CNBD1: variants seen among roughly 807,000 people sequenced by gnomAD.
The protein encoded by CNBD1 is cyclic nucleotide binding domain containing 1.
CNBD1 carries 71 observed loss-of-function variants against 54.4 expected under a neutral mutation model. The ratio of observed to expected loss-of-function variants is 1.30; its 90% CI spans 1.08 to 1.59. The LOEUF is 1.59. Ranked by LOEUF, CNBD1 falls within the 40% of genes most tolerant of loss-of-function variation. The pLI is 0.00. For missense variants in CNBD1, 659 were observed against 518.0 expected, an observed-to-expected ratio of 1.27 and a Z score of -2.64; for synonymous variants, 182 against 170.7, an observed-to-expected ratio of 1.07 and a Z score of -0.51.
intron 4 of CNBD1, among the ~76,000 whole-genome samples, chr8:87,005,802 A>G (rs1450199248): frequency 6.6e-6 from 1 of 152,058 alleles, no homozygotes; most frequent in Non-Finnish European, 1.5e-5. Flanking sequence ...GGCCTGTGTG[A>G]TTACGCTATC....
chr8:87,268,151 G>C (rs771551673), intron 6 of CNBD1, among the ~76,000 whole-genome samples: 1 of 151,984 alleles, frequency 6.6e-6, no homozygotes, highest in Non-Finnish European at 1.5e-5. Context: ...TCCCATATTT[G>C]TGTCCATGTG....
chr8:86,878,801 T>C (rs1808563347), intron 1 of CNBD1, among the ~76,000 whole-genome samples: 1 of 152,228 alleles, frequency 6.6e-6, no homozygotes, highest in Non-Finnish European at 1.5e-5. Context: ...GTACCTCTTT[T>C]ACAGTTTATT....
Position 87,358,933 on chromosome 8 carries a change from G to A in CNBD1, c.1303+5147G>A, listed in dbSNP as rs1043119070. On this transcript the variant is annotated intron_variant, in intron 10 of 10. Coordinates refer to ENST00000518476, the MANE Select transcript of CNBD1 (RefSeq NM_173538.3). ...CTGCCTTTTTAATCTATTCAGGCCC[G>A]CAATGGATTAGGTGTTATCTGTTTG... Among the ~76,000 whole-genome samples the A allele has an allele frequency of 8.5e-5, 13 of 152,242 alleles. No individual in the cohort carries two copies. The East Asian group carries it at 1.2e-3, about 14-fold the overall frequency.
At chr8:86,981,175 G>A (rs998938363) in intron 4 of CNBD1, among the ~76,000 whole-genome samples, 7 of 152,226 alleles carry the variant, frequency 4.6e-5, no homozygotes, top group African/African-American at 1.7e-4. Flanking sequence ...GTGTGTCTGT[G>A]TGCGTGCGCG....
chr8:87,209,989 C>T (rs1334466030), intron 5 of CNBD1, among the ~76,000 whole-genome samples: 19 of 152,130 alleles, frequency 1.2e-4, no homozygotes, highest in Admixed American at 1.2e-3. Flanking sequence ...AGTGAGTTCT[C>T]ATGGGATCTG....
chr8:87,019,874 ATC>A (rs2130574615), intron 4 of CNBD1, among the ~76,000 whole-genome samples: 1 of 152,244 alleles, frequency 6.6e-6, no homozygotes, highest in East Asian at 1.9e-4. Flanking sequence ...GTGAGACTCC[ATC>A]TCAAAAAAAG....
At chr8:86,877,701 A>G (rs1266280989) in intron 1 of CNBD1, among the ~76,000 whole-genome samples, 1 of 152,130 alleles carries the variant, frequency 6.6e-6, no homozygotes, top group Non-Finnish European at 1.5e-5. Flanking sequence ...TTTCTGGGTC[A>G]TCGTATTATA....
At chr8:87,161,442 A>G (rs542653865) in intron 4 of CNBD1, among the ~76,000 whole-genome samples, 21 of 152,266 alleles carry the variant, frequency 1.4e-4, no homozygotes, top group Middle Eastern at 3.4e-3. Flanking sequence ...TCTGTTCTAC[A>G]CTTCTTAATA....
chr8:87,309,699 G>A (rs1304988752), intron 8 of CNBD1, among the ~76,000 whole-genome samples: 1 of 151,978 alleles, frequency 6.6e-6, no homozygotes, highest in Non-Finnish European at 1.5e-5. Context: ...ATATAAATCT[G>A]TATTTATGTC....
intron 4 of CNBD1, among the ~76,000 whole-genome samples, chr8:86,946,278 G>A (rs1013343272): frequency 6.6e-6 from 1 of 151,954 alleles, no homozygotes; most frequent in Non-Finnish European, 1.5e-5. Context: ...ATAAATAACA[G>A]CTATTACTTC....
intron 4 of CNBD1, among the ~76,000 whole-genome samples, chr8:87,024,291 A>C (rs1009954400): frequency 4.0e-5 from 6 of 151,370 alleles, no homozygotes; most frequent in Non-Finnish European, 7.4e-5. Context: ...TAGAGTTTAC[A>C]AAATATAGGG....
rs376862601 is a variant in CNBD1 at position 86,986,434 on chromosome 8, T to C, written c.431+46680T>C. Among the ~76,000 whole-genome samples the C allele has an allele frequency of 8.5e-5, 13 of 152,306 alleles. No individual in the cohort carries two copies. In the East Asian group the frequency reaches 1.5e-3, roughly 18 times the overall value. On this transcript the variant is annotated intron_variant, in intron 4 of 10. Coordinates refer to ENST00000518476, the MANE Select transcript of CNBD1 (RefSeq NM_173538.3). ...ATTAGAACTTTGATGGATGCATAGT[T>C]CACAAATATTTTTTTCCCATTCTGT... is the stretch of plus-strand genomic sequence containing the variant.
chr8:87,054,339 G>T (rs1209868158), intron 4 of CNBD1, among the ~76,000 whole-genome samples: 1 of 152,218 alleles, frequency 6.6e-6, no homozygotes, highest in Non-Finnish European at 1.5e-5. Context: ...AGACTGTCTA[G>T]TTATGCTGCA....
chr8:87,017,262 T>C (rs968216530), intron 4 of CNBD1, among the ~76,000 whole-genome samples: 29 of 152,348 alleles, frequency 1.9e-4, no homozygotes, highest in African/African-American at 7.0e-4. Flanking sequence ...CTTAAATGCC[T>C]TATAAAAATA....
chr8:87,393,464 A>G (rs999527767), intron 2 of CNBD1, among the ~76,000 whole-genome samples: 4 of 151,896 alleles, frequency 2.6e-5, no homozygotes, highest in African/African-American at 9.7e-5. Flanking sequence ...TTTATTCAAC[A>G]TGAGTTCACT....
intron 8 of CNBD1, among the ~76,000 whole-genome samples, chr8:87,338,874 G>T (rs74757422): frequency 0.02 from 3,079 of 152,164 alleles, 103 homozygotes; most frequent in African/African-American, 0.067. Flanking sequence ...TAATGTGGTT[G>T]TAAGGTGTGT....
intron 4 of CNBD1, among the ~76,000 whole-genome samples, chr8:86,996,799 G>T (rs1405672001): frequency 6.6e-6 from 1 of 152,174 alleles, no homozygotes. Context: ...CTGGGTTGCA[G>T]ATAAACAATG....
intron 6 of CNBD1, among the ~76,000 whole-genome samples, chr8:87,264,464 T>G (rs1353946453): frequency 6.6e-6 from 1 of 152,208 alleles, no homozygotes; most frequent in Non-Finnish European, 1.5e-5. Flanking sequence ...AACATACATG[T>G]GCGTGTGTCT....
chr8:87,326,117 T>C lies in CNBD1; in HGVS notation c.1043-25568T>C, dbSNP rs971794567. On this transcript the variant is annotated intron_variant, in intron 8 of 10. Coordinates refer to ENST00000518476, the MANE Select transcript of CNBD1 (RefSeq NM_173538.3). The stretch of plus-strand genomic sequence containing the variant: ...GGTTGAAAATTCTTTTCTTTAAGAA[T>C]GTTGAATATTGACCCCCACTCTCTT... Among the ~76,000 whole-genome samples the C allele has an allele frequency of 2.2e-5, 3 of 133,440 alleles. No homozygotes were observed. In the East Asian group the frequency reaches 6.0e-4, roughly 27 times the overall value. 87.5% of individuals were successfully genotyped at this position (133,440 alleles called of 152,430 possible).
Sources: allele counts gnomAD v4.1 joint callset (sites outside exome capture counted in the v4.1 genomes callset), GRCh38; gene constraint gnomAD v4.1.1; transcripts MANE v1.5; gene names NCBI Gene and HGNC (gene_info 2026-07-23, HGNC 2026-07-21).